The following NRXN3 variants were observed in gnomAD, a reference collection of about 807,000 sequenced individuals.
NRXN3 encodes neurexin 3, also known as neurexin III.
In NRXN3, 32 loss-of-function variants were observed where a neutral mutation model predicts 137.6. The ratio of observed to expected loss-of-function variants is 0.23; its 90% CI spans 0.18 to 0.31. NRXN3 has a LOEUF of 0.31. NRXN3 is among the 10% of genes least tolerant of loss of function. The pLI, the probability that NRXN3 is intolerant of heterozygous loss-of-function variation, is 1.00. For missense variants in NRXN3, 1,574 were observed against 2,062.5 expected, an observed-to-expected ratio of 0.76 and a Z score of 4.59; for synonymous variants, 798 against 784.5, an observed-to-expected ratio of 1.02 and a Z score of -0.29.
chr14:78,588,977 G>A (rs903980232), intron 4 of NRXN3, among the ~76,000 whole-genome samples: 2 of 152,090 alleles, frequency 1.3e-5, no homozygotes, highest in Non-Finnish European at 1.5e-5. Context: ...CCTTATTATG[G>A]CTGTGGAAGA....
intron 15 of NRXN3, among the ~76,000 whole-genome samples, chr14:79,047,161 C>G (rs1362166915): frequency 2.8e-5 from 4 of 143,562 alleles, no homozygotes; most frequent in East Asian, 4.1e-4. Flanking sequence ...AAAAAAAACA[C>G]ACCACCACCA....
At chr14:79,692,343 A>G in intron 18 of NRXN3, 81 bp downstream of exon 18, 1 of 1,032,634 alleles carries the variant, frequency 9.7e-7, no homozygotes, top group Non-Finnish European at 1.4e-6. Context: ...AATGTTCCTT[A>G]AATGATAATC....
chr14:79,009,386 A>G (rs1205085159), intron 15 of NRXN3, among the ~76,000 whole-genome samples: 1 of 152,224 alleles, frequency 6.6e-6, no homozygotes, highest in East Asian at 1.9e-4. Context: ...CTGAGAATCC[A>G]GGGATCAAGT....
chr14:79,418,879 T>C (rs1286576269), intron 15 of NRXN3, among the ~76,000 whole-genome samples: 1 of 151,986 alleles, frequency 6.6e-6, no homozygotes, highest in Non-Finnish European at 1.5e-5. Flanking sequence ...TACTGGAGAG[T>C]CATCCCAGGC....
chr14:79,205,136 T>G (rs2066610485), intron 15 of NRXN3, among the ~76,000 whole-genome samples: 1 of 152,182 alleles, frequency 6.6e-6, no homozygotes, highest in South Asian at 2.1e-4. Flanking sequence ...AAATGGACAT[T>G]GGACAAGGAA....
intron 4 of NRXN3, among the ~76,000 whole-genome samples, chr14:78,425,119 A>G (rs1344387055): frequency 2.0e-5 from 3 of 152,358 alleles, no homozygotes; most frequent in Admixed American, 2.0e-4. Context: ...GTCTTTGACC[A>G]ATAGACCAGT....
chr14:79,599,636 C>G (rs1473779062), intron 16 of NRXN3, among the ~76,000 whole-genome samples: 1 of 152,182 alleles, frequency 6.6e-6, no homozygotes, highest in Non-Finnish European at 1.5e-5. Context: ...TTATTTAGAG[C>G]TTTCTCTGTT....
chr14:78,737,267 G>A (rs2098545214), intron 8 of NRXN3, among the ~76,000 whole-genome samples: 1 of 152,212 alleles, frequency 6.6e-6, no homozygotes, highest in South Asian at 2.1e-4. Context: ...TCTGCTGGGG[G>A]TGATTTGGGA....
At chr14:79,053,819 T>C (rs1404777646) in intron 15 of NRXN3, among the ~76,000 whole-genome samples, 4 of 151,904 alleles carry the variant, frequency 2.6e-5, no homozygotes, top group Admixed American at 2.6e-4. Context: ...TGGAGAGAAA[T>C]ATGAAGTTGG....
intron 4 of NRXN3, among the ~76,000 whole-genome samples, chr14:78,545,542 A>T (rs2096629686): frequency 6.6e-6 from 1 of 152,232 alleles, no homozygotes; most frequent in Non-Finnish European, 1.5e-5. Context: ...AGAAATGTAT[A>T]CAAGTTTTTC....
At chr14:79,152,685 C>T (rs565544943) in intron 15 of NRXN3, among the ~76,000 whole-genome samples, 2 of 151,938 alleles carry the variant, frequency 1.3e-5, no homozygotes, top group Non-Finnish European at 2.9e-5. Context: ...GACTTATTCA[C>T]TATCATGAGA....
intron 15 of NRXN3, among the ~76,000 whole-genome samples, chr14:79,327,887 C>G (rs1437416534): frequency 2.6e-5 from 4 of 152,118 alleles, no homozygotes; most frequent in Non-Finnish European, 5.9e-5. Flanking sequence ...ATAAGAAAAG[C>G]CTTTATTTAG....
intron 15 of NRXN3, among the ~76,000 whole-genome samples, chr14:79,083,649 G>A (rs1040606494): frequency 6.6e-6 from 1 of 152,200 alleles, no homozygotes. Flanking sequence ...TAAAAAATAG[G>A]ATAATGTGAC....
chr14:78,945,575 G>T (rs1312421944), intron 10 of NRXN3, among the ~76,000 whole-genome samples: 1 of 152,120 alleles, frequency 6.6e-6, no homozygotes, highest in East Asian at 1.9e-4. Context: ...GGCTACCCAG[G>T]TTTAGTTCCA....
At position 79,689,932 on chromosome 14, in the gene NRXN3, T is replaced by C. The variant is rs982790906; in HGVS notation, c.3617-2241T>C. Among the ~76,000 whole-genome samples the C allele has an allele frequency of 6.6e-5, 10 of 152,202 alleles. 1 individual carries two copies. The highest frequency in any genetic ancestry group is 3.3e-4 in the Admixed American group (5 of 15,274). On this transcript the variant is annotated intron_variant, in intron 17 of 20. Transcript: ENST00000335750. The stretch of plus-strand genomic sequence containing the variant: ...GTTACTTCTGATTTTGCCCTGCATT[T>C]TGCTAAGAATATTTAGCTTTATACT...
intron 15 of NRXN3, among the ~76,000 whole-genome samples, chr14:79,121,912 G>A (rs1234487966): frequency 6.6e-6 from 1 of 152,184 alleles, no homozygotes; most frequent in Non-Finnish European, 1.5e-5. Flanking sequence ...CAGACTACCT[G>A]TGTGTATATG....
chr14:78,508,042 A>C (rs2153786215), intron 4 of NRXN3, among the ~76,000 whole-genome samples: 1 of 152,314 alleles, frequency 6.6e-6, no homozygotes, highest in Non-Finnish European at 1.5e-5. Context: ...CTTGAGATCC[A>C]GAGTTTGCTT....
intron 3 of NRXN3, among the ~76,000 whole-genome samples, chr14:78,287,890 G>A (rs1203212288): frequency 6.6e-6 from 1 of 151,216 alleles, no homozygotes; most frequent in Admixed American, 6.6e-5. Flanking sequence ...TTTATTTTTT[G>A]CATCCTTTCC....
At chr14:78,950,633 A>C (rs915125639) in intron 10 of NRXN3, among the ~76,000 whole-genome samples, 16 of 152,164 alleles carry the variant, frequency 1.1e-4, no homozygotes, top group South Asian at 1.0e-3. Flanking sequence ...GAAGGAAGAA[A>C]AAAGAAGGAA....
Sources: allele counts gnomAD v4.1 joint callset (sites outside exome capture counted in the v4.1 genomes callset), GRCh38; gene constraint gnomAD v4.1.1; transcripts MANE v1.5; gene names NCBI Gene and HGNC (gene_info 2026-07-23, HGNC 2026-07-21).